SSBP3: variants seen among roughly 807,000 people sequenced by gnomAD.
SSBP3 encodes the protein single-stranded DNA-binding protein 3.
Under a neutral mutation model 69.6 loss-of-function variants are expected in SSBP3, and 5 were observed. The observed-to-expected ratio is 0.07, with a 90% CI of 0.04 to 0.15. SSBP3 has a LOEUF of 0.15. SSBP3 is among the 10% of genes least tolerant of loss of function. SSBP3 has a pLI of 1.00. For missense variants in SSBP3, 312 were observed against 534.0 expected, an observed-to-expected ratio of 0.58 and a Z score of 4.10; for synonymous variants, 196 against 193.4, an observed-to-expected ratio of 1.01 and a Z score of -0.11.
chr1:54,287,237 C>T (rs1374308014), intron 4 of SSBP3: 1 of 152,250 alleles, frequency 6.6e-6, no homozygotes, highest in Non-Finnish European at 1.5e-5. Context: ...GCCAACCCCT[C>T]CTGACTGATT....
chr1:54,274,415 G>A (rs1348913569), intron 5 of SSBP3, among the ~76,000 whole-genome samples: 1 of 134,114 alleles, frequency 7.5e-6, no homozygotes, highest in Non-Finnish European at 1.6e-5. Context: ...GTGTCAGACA[G>A]TTCTACTCTC....
chr1:54,228,740 C>A lies in SSBP3; in HGVS notation c.1006+8G>T, dbSNP rs1298401410. ...GGGTGGGGCATGGCGAGGGCAGGGG[C>A]CACTCACCTAATGATCCATTCATGT... On this transcript the variant is annotated splice_region_variant and intron_variant, in intron 15 of 17. Coordinates refer to ENST00000610401, the Ensembl canonical transcript of SSBP3. The A allele has an allele frequency of 1.3e-6, 2 of 1,591,584 alleles. No homozygotes were observed. The highest frequency in any genetic ancestry group is 4.6e-5 in the East Asian group (2 of 43,760).
At chr1:54,251,965 C>A in intron 7 of SSBP3, 105 bp from the exon 8 acceptor site, 1 of 919,274 alleles carries the variant, frequency 1.1e-6, no homozygotes, top group Non-Finnish European at 1.7e-6. Context: ...TCACGTGGAG[C>A]CACTCATGGC....
rs867417307 is a variant in SSBP3, at chr1:54,348,259, G to C, written c.276+53602C>G. Among the ~76,000 whole-genome samples the C allele has an allele frequency of 2.1e-4, 25 of 117,628 alleles. No homozygotes were observed. The South Asian group carries it at 8.2e-3, about 38-fold the overall frequency. The allele number at this position is 117,628 out of a possible 152,430, so 77.2% of individuals were successfully genotyped here. ...AAGGCATGGGGGGCGGGGGGGGGGGGGCGGGTGAGGACAGGTGGAAATTAG... is the reference window on the plus strand; with the variant it reads ...AAGGCATGGGGGGCGGGGGGGGGGGCGCGGGTGAGGACAGGTGGAAATTAG... On this transcript the variant is annotated intron_variant, in intron 4 of 17. Transcript: ENST00000610401.
At chr1:54,392,150 T>C (rs1033391073) in intron 4 of SSBP3, among the ~76,000 whole-genome samples, 3 of 152,194 alleles carry the variant, frequency 2.0e-5, no homozygotes, top group East Asian at 3.8e-4. Context: ...ACTAAGACTA[T>C]GGCAGCAAAC....
At chr1:54,246,981 G>A (rs900317058) in intron 9 of SSBP3, among the ~76,000 whole-genome samples, 5 of 152,216 alleles carry the variant, frequency 3.3e-5, no homozygotes, top group African/African-American at 4.8e-5. Context: ...TACCAACCAG[G>A]TATCCCTCTG....
At chr1:54,384,577 G>T (rs1647939240) in intron 4 of SSBP3, among the ~76,000 whole-genome samples, 1 of 152,340 alleles carries the variant, frequency 6.6e-6, no homozygotes, top group East Asian at 1.9e-4. Context: ...ACTGAGACAT[G>T]AAAAATAAAC....
chr1:54,300,261 AG>A (rs1645777282), intron 4 of SSBP3, among the ~76,000 whole-genome samples: 1 of 152,120 alleles, frequency 6.6e-6, no homozygotes, highest in Non-Finnish European at 1.5e-5. Context: ...CAAATATCCA[AG>A]AAAGAGGGCC....
At chr1:54,259,852 C>T (rs1164324302) in intron 5 of SSBP3, among the ~76,000 whole-genome samples, 3 of 152,218 alleles carry the variant, frequency 2.0e-5, no homozygotes, top group Non-Finnish European at 2.9e-5. Context: ...CTACCTGCCA[C>T]GCTACTAATT....
rs189167723 is a variant in SSBP3, at chr1:54,229,285, G to A, written c.928-459C>T. 2.6e-5 allele frequency among the ~76,000 whole-genome samples: 4 copies of A among 152,370 alleles called. No homozygotes were observed. The East Asian group carries it at 7.7e-4, about 29-fold the overall frequency. ...AGCAGTGAGAGGAAACGCTTTGCTT[G>A]AGGTCCCAGAGGCTGGAGGTGGAGG... On this transcript the variant is annotated intron_variant, in intron 14 of 17. Coordinates refer to ENST00000610401, the Ensembl canonical transcript of SSBP3.
upstream of SSBP3, among the ~76,000 whole-genome samples, chr1:54,406,926 G>A (rs1174759778): frequency 1.4e-5 from 2 of 138,490 alleles, no homozygotes; most frequent in African/African-American, 2.7e-5. Context: ...CTCCGACCCC[G>A]ACCCCCTCCC....
chr1:54,228,965 G>T, intron 14 of SSBP3, 139 bp from the exon 15 acceptor site: 1 of 853,678 alleles, frequency 1.2e-6, no homozygotes, highest in South Asian at 1.6e-5. Context: ...ACTCGGACAT[G>T]TCCTGCCTGG....
rs993480966 is a variant in SSBP3 at position 54,369,395 on chromosome 1, G to T, written c.276+32466C>A. 3.9e-5 allele frequency among the ~76,000 whole-genome samples: 6 copies of T among 152,296 alleles called. No individual in the cohort carries two copies. In the East Asian group the frequency reaches 1.2e-3, roughly 29 times the overall value. On this transcript the variant is annotated intron_variant, in intron 4 of 17. Coordinates refer to ENST00000610401, the Ensembl canonical transcript of SSBP3. ...ATTGCTGGGGGAGATGAGAGGGACTGTGCAGCTAGGTGGATGGATAAAAAG... is the reference window on the plus strand; with the variant it reads ...ATTGCTGGGGGAGATGAGAGGGACTTTGCAGCTAGGTGGATGGATAAAAAG...
intron 14 of SSBP3, among the ~76,000 whole-genome samples, chr1:54,229,710 G>A (rs145350617): frequency 2.0e-5 from 3 of 152,332 alleles, no homozygotes; most frequent in East Asian, 3.9e-4. Flanking sequence ...AGCCTGGAGC[G>A]CCAAGGCCCT....
chr1:54,333,949 C>CA (rs1557540852), intron 4 of SSBP3, among the ~76,000 whole-genome samples: 2 of 152,092 alleles, frequency 1.3e-5, no homozygotes, highest in Non-Finnish European at 2.9e-5. Context: ...GTCTGCTACT[C>CA]AGAGACTGAG....
At chr1:54,292,473 C>T (rs759617057) in intron 4 of SSBP3, among the ~76,000 whole-genome samples, 32 of 152,290 alleles carry the variant, frequency 2.1e-4, no homozygotes, top group Non-Finnish European at 3.8e-4. Flanking sequence ...TCCTCTACGG[C>T]CCCAGCTGCC....
chr1:54,244,335 C>T (rs1207022121), intron 9 of SSBP3, among the ~76,000 whole-genome samples: 1 of 152,216 alleles, frequency 6.6e-6, no homozygotes, highest in African/African-American at 2.4e-5. Context: ...AACTCCTTAC[C>T]TCAGGATCCA....
intron 4 of SSBP3, among the ~76,000 whole-genome samples, chr1:54,341,468 T>C (rs72665936): frequency 6.6e-6 from 1 of 152,066 alleles, no homozygotes; most frequent in East Asian, 1.9e-4. Context: ...ACTGCATCCA[T>C]GGGCCAAAGA....
chr1:54,334,885 A>AT (rs36082529), intron 4 of SSBP3, among the ~76,000 whole-genome samples: 6 of 152,082 alleles, frequency 3.9e-5, no homozygotes, highest in Non-Finnish European at 8.8e-5. Flanking sequence ...TGTGAAGTTG[A>AT]TTTTTTTGAA....
Sources: allele counts gnomAD v4.1 joint callset (sites outside exome capture counted in the v4.1 genomes callset), GRCh38; gene constraint gnomAD v4.1.1; transcripts MANE v1.5; gene names NCBI Gene and HGNC (gene_info 2026-07-23, HGNC 2026-07-21).